The following POGZ variants were observed in gnomAD, a reference collection of about 807,000 sequenced individuals.
POGZ encodes pogo transposable element with ZNF domain.
In POGZ, 17 loss-of-function variants were observed where a neutral mutation model predicts 134.6. The ratio of observed to expected loss-of-function variants is 0.13; its 90% CI spans 0.09 to 0.19. The LOEUF (loss-of-function observed/expected upper bound fraction) is 0.19. Ranked by LOEUF, POGZ falls within the 10% of genes least tolerant of loss-of-function variation. POGZ has a pLI of 1.00. For synonymous variants in POGZ, 693 were observed against 657.1 expected (o/e 1.05, Z -0.84); for missense variants, 1,306 against 1,769.7 (o/e 0.74, Z 4.70).
At chr1:151,438,248 G>T (rs1236911466) in intron 3 of POGZ, among the ~76,000 whole-genome samples, 1 of 151,698 alleles carries the variant, frequency 6.6e-6, no homozygotes, top group Non-Finnish European at 1.5e-5. Context: ...AGTATCTGAT[G>T]AAAAAAGTTA....
At chr1:151,457,116 A>C (rs1305446065) in intron 1 of POGZ, among the ~76,000 whole-genome samples, 2 of 152,176 alleles carry the variant, frequency 1.3e-5, no homozygotes, top group African/African-American at 4.8e-5. Flanking sequence ...ATCTGTCCAC[A>C]CTTTGAGAAC....
At chr1:151,428,680 T>C (rs1040022046) in intron 5 of POGZ, among the ~76,000 whole-genome samples, 1 of 152,182 alleles carries the variant, frequency 6.6e-6, no homozygotes, top group Non-Finnish European at 1.5e-5. Flanking sequence ...ATTCTAAGAA[T>C]ACAATCAGTG....
chr1:151,416,625 GTTTTT>G lies in POGZ; in HGVS notation c.1679-4234_1679-4230del, dbSNP rs202238876. Among the ~76,000 whole-genome samples, 5 of 139,794 alleles carry G rather than the reference GTTTTT, an allele frequency of 3.6e-5. No homozygotes were observed. The Admixed American group carries it at 3.6e-4, about 10-fold the overall frequency. 91.7% of individuals were successfully genotyped at this position (139,794 alleles called of 152,430 possible). On this transcript the variant is annotated intron_variant, in intron 10 of 18. Transcript: ENST00000271715. ...ATAAAAATGTAATACTACTTTTTGG[GTTTTT>G]TTTTTTTTTTTGAGATAGGGCCTTA...
At chr1:151,458,677 A>G (rs1157102825) in intron 1 of POGZ, among the ~76,000 whole-genome samples, 1 of 134,616 alleles carries the variant, frequency 7.4e-6, no homozygotes, top group Non-Finnish European at 1.6e-5. Context: ...CCGTCTCGCC[A>G]CCGCCCGCGC....
chr1:151,438,259 C>T (rs186928758), intron 3 of POGZ, among the ~76,000 whole-genome samples: 2 of 151,716 alleles, frequency 1.3e-5, no homozygotes, highest in Admixed American at 6.6e-5. Flanking sequence ...AAAAAAGTTA[C>T]AGAACTGTAT....
At chr1:151,448,589 G>A (rs1244821610) in intron 1 of POGZ, among the ~76,000 whole-genome samples, 2 of 152,120 alleles carry the variant, frequency 1.3e-5, no homozygotes, top group Non-Finnish European at 2.9e-5. Flanking sequence ...TTCTTTGCCT[G>A]TAATCCCACC....
intron 1 of POGZ, among the ~76,000 whole-genome samples, chr1:151,453,961 T>A (rs1662460882): frequency 6.6e-6 from 1 of 152,166 alleles, no homozygotes; most frequent in Admixed American, 6.5e-5. Context: ...GGGCAGCAAA[T>A]GTTGCCTATC....
At chr1:151,450,723 T>C (rs1280817030) in intron 1 of POGZ, among the ~76,000 whole-genome samples, 1 of 152,132 alleles carries the variant, frequency 6.6e-6, no homozygotes, top group African/African-American at 2.4e-5. Flanking sequence ...TTGCTACATA[T>C]AAACTCTTCT....
At chr1:151,435,135 G>C (rs1361750038) in intron 3 of POGZ, among the ~76,000 whole-genome samples, 1 of 152,094 alleles carries the variant, frequency 6.6e-6, no homozygotes, top group East Asian at 1.9e-4. Flanking sequence ...TCTGACCTCA[G>C]GCGATCTGCC....
At chr1:151,449,329 C>T (rs10157020) in intron 1 of POGZ, among the ~76,000 whole-genome samples, 3,498 of 152,164 alleles carry the variant, frequency 0.023, 133 homozygotes, top group African/African-American at 0.08. Flanking sequence ...CCCCAGAGGG[C>T]ATTTGGCAAT....
chr1:151,438,561 G>A (rs1414535002), intron 3 of POGZ, among the ~76,000 whole-genome samples: 2 of 152,050 alleles, frequency 1.3e-5, no homozygotes, highest in African/African-American at 2.4e-5. Context: ...AGGAGACTAG[G>A]TCATCTCAGC....
At position 151,405,384 on chromosome 1, in the gene POGZ, T is replaced by C; in HGVS notation, c.3651A>G (p.Thr1217=). The C allele has an allele frequency of 6.2e-7, 1 of 1,614,094 alleles. No individual in the cohort carries two copies. The stretch of plus-strand genomic sequence containing the variant: ...GCATGCCTTTGCTGCGCTGGCAAGC[T>C]GTGTGCTTCTGCCACACTCGAGTTG... ...LWSTRVWQKH[T]ACQRSKGMLV... Residue 1217 remains threonine (T), a synonymous_variant, in exon 19 of 19, where the codon ACA becomes ACG. Transcript: ENST00000271715. The surrounding 1 kb of genome is among the most constrained non-coding windows in gnomAD (Gnocchi z 4.9).
intron 1 of POGZ, among the ~76,000 whole-genome samples, chr1:151,455,534 T>C (rs897071498): frequency 1.3e-5 from 2 of 152,182 alleles, no homozygotes; most frequent in African/African-American, 2.4e-5. Context: ...CAAAGATCTT[T>C]TGTTTATGTG....
chr1:151,415,951 C>T (rs957444117), intron 10 of POGZ, among the ~76,000 whole-genome samples: 64 of 152,012 alleles, frequency 4.2e-4, no homozygotes, highest in African/African-American at 1.4e-3. Flanking sequence ...CACTGGCTCA[C>T]GCCTGTAATC....
At position 151,408,683 on chromosome 1, in the gene POGZ, A is replaced by G. The variant is rs766877740; in HGVS notation, c.2061+11T>C. The stretch of plus-strand genomic sequence containing the variant: ...CCCTGGGCCTATAAAAGACACTGGC[A>G]AACTCTTTACCTTGGTGCCTGGTTT... On this transcript the variant is annotated intron_variant, in intron 13 of 18. Coordinates refer to ENST00000271715, the MANE Select transcript of POGZ (RefSeq NM_015100.4). 2 of 1,612,502 alleles carry G rather than the reference A, an allele frequency of 1.2e-6. No individual in the cohort carries two copies. Among genetic ancestry groups the G allele is most frequent in the South Asian group, 1.1e-5 (1 of 90,786 alleles).
chr1:151,419,692 A>AAAAAC (rs1656547570), intron 10 of POGZ, among the ~76,000 whole-genome samples: 1 of 149,528 alleles, frequency 6.7e-6, no homozygotes, highest in African/African-American at 2.5e-5. Flanking sequence ...AAAAAAAAAA[A>AAAAAC]AAACTACTTT....
intron 10 of POGZ, among the ~76,000 whole-genome samples, chr1:151,418,940 G>A (rs1656289483): frequency 7.0e-6 from 1 of 142,778 alleles, no homozygotes; most frequent in Non-Finnish European, 1.5e-5. Flanking sequence ...CAGGAGAATC[G>A]CTTGAAACCA....
intron 1 of POGZ, among the ~76,000 whole-genome samples, chr1:151,450,608 C>G (rs1446699020): frequency 6.6e-6 from 1 of 152,152 alleles, no homozygotes; most frequent in Non-Finnish European, 1.5e-5. Context: ...TTGCCTTGGT[C>G]TCCCAAAGTG....
At chr1:151,446,317 T>C (rs1402480598) in intron 1 of POGZ, among the ~76,000 whole-genome samples, 1 of 151,292 alleles carries the variant, frequency 6.6e-6, no homozygotes, top group African/African-American at 2.4e-5. Context: ...TATGAAGGAT[T>C]GGATACTTAT....
Sources: allele counts gnomAD v4.1 joint callset (sites outside exome capture counted in the v4.1 genomes callset), GRCh38; gene constraint gnomAD v4.1.1; non-coding constraint Gnocchi (gnomAD v3.1); transcripts MANE v1.5; gene names NCBI Gene and HGNC (gene_info 2026-07-23, HGNC 2026-07-21).